Variants in LPP observed in about 807,000 individuals in gnomAD.
The protein encoded by LPP is LIM domain containing preferred translocation partner in lipoma, also known as lipoma-preferred partner.
In LPP, 38 loss-of-function variants were observed where a neutral mutation model predicts 60.4. That is an observed-to-expected ratio of 0.63 (90% CI 0.49 to 0.83). LPP has a LOEUF of 0.83. Among genes scored for constraint, LPP ranks in the 40% least tolerant of loss-of-function variants. LPP has a pLI of 0.00. For missense variants in LPP, 902 were observed against 783.6 expected, an observed-to-expected ratio of 1.15 and a Z score of -1.80; for synonymous variants, 328 against 290.8, an observed-to-expected ratio of 1.13 and a Z score of -1.30.
At chr3:188,239,715 G>C (rs1723195204) in intron 2 of LPP, 1 of 217,852 alleles carries the variant, frequency 4.6e-6, no homozygotes, top group Non-Finnish European at 9.2e-6. Flanking sequence ...GACTTCCTTA[G>C]CCTGGAAATA....
At chr3:188,720,214 T>C (rs1715765687) in intron 8 of LPP, among the ~76,000 whole-genome samples, 1 of 152,178 alleles carries the variant, frequency 6.6e-6, no homozygotes, top group Non-Finnish European at 1.5e-5. Context: ...CCTGGCCCTG[T>C]TGTATTTTTA....
intron 1 of LPP, among the ~76,000 whole-genome samples, chr3:188,186,195 C>T (rs920569994): frequency 9.2e-5 from 14 of 152,176 alleles, no homozygotes; most frequent in Non-Finnish European, 1.6e-4. Context: ...ACCCCCAGGC[C>T]TTGGTGTGCT....
chr3:188,296,359 T>C (rs1747884439), intron 2 of LPP, among the ~76,000 whole-genome samples: 2 of 152,114 alleles, frequency 1.3e-5, no homozygotes, highest in South Asian at 4.1e-4. Context: ...GTTGGCCCCG[T>C]CTGAGAAGGC....
chr3:188,330,931 A>T (rs769177427), intron 2 of LPP, among the ~76,000 whole-genome samples: 20 of 151,834 alleles, frequency 1.3e-4, no homozygotes, highest in African/African-American at 4.4e-4. Flanking sequence ...ACTCTTTTTA[A>T]TTTTTTTTCC....
At chr3:188,552,499 C>A (rs11915367) in intron 6 of LPP, among the ~76,000 whole-genome samples, 1,864 of 152,238 alleles carry the variant, frequency 0.012, 38 homozygotes, top group African/African-American at 0.042. Flanking sequence ...TAAAACATCA[C>A]AAATTTCTTA....
chr3:188,667,036 A>T (rs779144829), intron 7 of LPP, among the ~76,000 whole-genome samples: 25 of 152,230 alleles, frequency 1.6e-4, no homozygotes, highest in Non-Finnish European at 2.2e-4. Context: ...GTTGCTGTAC[A>T]TTCTCATTTG....
At chr3:188,505,319 C>G (rs1040243910) in intron 5 of LPP, among the ~76,000 whole-genome samples, 1 of 152,146 alleles carries the variant, frequency 6.6e-6, no homozygotes, top group South Asian at 2.1e-4. Context: ...ATGCCTGCAA[C>G]TATTCCTTTT....
At chr3:188,396,989 G>C (rs1781102033) in intron 3 of LPP, among the ~76,000 whole-genome samples, 1 of 152,186 alleles carries the variant, frequency 6.6e-6, no homozygotes. Context: ...TTGCCACGTG[G>C]AACAATTGTT....
intron 7 of LPP, among the ~76,000 whole-genome samples, chr3:188,629,594 T>C (rs1847486510): frequency 1.3e-5 from 2 of 152,092 alleles, no homozygotes; most frequent in Admixed American, 6.6e-5. Flanking sequence ...TGGAAAATCA[T>C]TTCATGTTCA....
At chr3:188,798,534 A>G (rs1746054038) in intron 9 of LPP, among the ~76,000 whole-genome samples, 1 of 152,136 alleles carries the variant, frequency 6.6e-6, no homozygotes. Context: ...ATCTTTCCTC[A>G]CAGGTCAGGT....
At chr3:188,373,272 G>A (rs1230814557) in intron 3 of LPP, among the ~76,000 whole-genome samples, 2 of 152,174 alleles carry the variant, frequency 1.3e-5, no homozygotes, top group South Asian at 2.1e-4. Flanking sequence ...GATCCCTGAG[G>A]AATCGCCACA....
chr3:188,199,354 G>C (rs79116991), intron 1 of LPP, among the ~76,000 whole-genome samples: 5,967 of 152,214 alleles, frequency 0.039, 152 homozygotes, highest in South Asian at 0.096. Context: ...CATCTTGGTG[G>C]GGTGGCCAAG....
At chr3:188,465,969 C>A (rs1281213401) in intron 4 of LPP, among the ~76,000 whole-genome samples, 2 of 152,100 alleles carry the variant, frequency 1.3e-5, no homozygotes, top group Non-Finnish European at 2.9e-5. Context: ...CTTGAACTAT[C>A]CATTAAGTCA....
intron 7 of LPP, among the ~76,000 whole-genome samples, chr3:188,639,759 A>G (rs1849654311): frequency 6.6e-6 from 1 of 152,236 alleles, no homozygotes; most frequent in South Asian, 2.1e-4. Flanking sequence ...AAAAAAACAC[A>G]TGAAAAAATG....
intron 2 of LPP, among the ~76,000 whole-genome samples, chr3:188,244,269 G>A (rs1459004140): frequency 6.6e-6 from 1 of 152,212 alleles, no homozygotes; most frequent in Non-Finnish European, 1.5e-5. Flanking sequence ...AATTGACATC[G>A]TTGAGGTGGG....
At chr3:188,737,180 T>A (rs1285976875) in intron 8 of LPP, among the ~76,000 whole-genome samples, 3 of 152,176 alleles carry the variant, frequency 2.0e-5, no homozygotes. Context: ...AAAGACTTTT[T>A]TATAAAAAGA....
In LPP at chr3:188,878,773, A is replaced by C. The variant is rs1769559984; in HGVS notation, c.*4294A>C. ...AAGTAAAAAAGTAAAAAAAAAAAAA[A>C]AAGAAAGAAAGAAAAGAAAGAGAGA... On this transcript the variant is annotated 3_prime_UTR_variant, in exon 12 of 12. Transcript: ENST00000617246. The C allele has an allele frequency of 4.9e-6, 1 of 203,908 alleles. No homozygotes were observed. Among genetic ancestry groups the C allele is most frequent in the Non-Finnish European group, 1.0e-5 (1 of 99,758 alleles). 12.6% of individuals were successfully genotyped at this position (203,908 alleles called of 1,614,324 possible). A position where few individuals can be genotyped will look rare whatever the true frequency, so the allele number is the denominator to read the frequency against.
chr3:188,654,720 A>G (rs1031604924), intron 7 of LPP, among the ~76,000 whole-genome samples: 31 of 152,200 alleles, frequency 2.0e-4, no homozygotes, highest in African/African-American at 7.0e-4. Flanking sequence ...CATGACCCCC[A>G]ATAGCTTACC....
At chr3:188,754,470 A>C (rs1416636208) in intron 8 of LPP, among the ~76,000 whole-genome samples, 1 of 152,204 alleles carries the variant, frequency 6.6e-6, no homozygotes, top group Non-Finnish European at 1.5e-5. Flanking sequence ...CATGCGGACG[A>C]AACCTGTTTG....
Sources: gnomAD v4.1 joint callset for allele counts (sites outside exome capture counted in the v4.1 genomes callset) on GRCh38, gnomAD v4.1.1 for gene constraint, MANE v1.5 for transcripts, NCBI Gene and HGNC (gene_info 2026-07-23, HGNC 2026-07-21) for gene names.